The following NALCN variants were observed in gnomAD, a reference collection of about 807,000 sequenced individuals.
The protein encoded by NALCN is sodium leak channel NALCN.
A neutral mutation model predicts 225.3 loss-of-function variants in NALCN; 111 were observed. The observed-to-expected ratio is 0.49, with a 90% CI of 0.42 to 0.58. The LOEUF is 0.58. Among genes scored for constraint, NALCN ranks in the 20% least tolerant of loss-of-function variants. The pLI is 0.00. For missense variants in NALCN, 1,378 were observed against 2,202.4 expected, an observed-to-expected ratio of 0.63 and a Z score of 7.49; for synonymous variants, 764 against 769.0, an observed-to-expected ratio of 0.99 and a Z score of 0.11.
In NALCN at chr13:101,316,296, C is replaced by T. The variant is rs565796770; in HGVS notation, c.800-23930G>A. On this transcript the variant is annotated intron_variant, in intron 7 of 43. Coordinates refer to ENST00000251127, the MANE Select transcript of NALCN (RefSeq NM_052867.4). ...AATTATGTACTAATCCCTCTCAGTT[C>T]GATCAGCCCTCAATCTAACTGAAGG... 3.3e-3 allele frequency among the ~76,000 whole-genome samples: 508 copies of T among 152,222 alleles called. 1 individual carries two copies. The highest frequency in any genetic ancestry group is 5.4e-3 in the Non-Finnish European group (367 of 68,004).
At chr13:101,096,513 A>G (rs1282465509) in intron 27 of NALCN, among the ~76,000 whole-genome samples, 1 of 152,242 alleles carries the variant, frequency 6.6e-6, no homozygotes, top group African/African-American at 2.4e-5. Context: ...AGTCCAGAAC[A>G]GTGAACTCTA....
chr13:101,189,250 G>A (rs1356549393), intron 14 of NALCN, among the ~76,000 whole-genome samples: 1 of 152,014 alleles, frequency 6.6e-6, no homozygotes, highest in African/African-American at 2.4e-5. Flanking sequence ...TCATTGCCTG[G>A]GAGAAGAGGT....
intron 43 of NALCN, chr13:101,057,378 T>A (rs1292097145): frequency 1.3e-5 from 2 of 155,030 alleles, no homozygotes; most frequent in African/African-American, 4.8e-5. Flanking sequence ...AAGGATTGAA[T>A]GAGAGAACAC....
chr13:101,175,438 G>C (rs574864714), intron 15 of NALCN, among the ~76,000 whole-genome samples: 14 of 152,124 alleles, frequency 9.2e-5, no homozygotes, highest in African/African-American at 3.4e-4. Flanking sequence ...AATATGGAGG[G>C]CCTGCTTATA....
chr13:101,355,709 T>A (rs1290587245), intron 6 of NALCN, among the ~76,000 whole-genome samples: 2 of 152,162 alleles, frequency 1.3e-5, no homozygotes, highest in Non-Finnish European at 2.9e-5. Flanking sequence ...CTAATGGACA[T>A]CTATAGAACT....
rs578027440 is a variant in NALCN, at chr13:101,283,129, G to A, written c.1134+804C>T. 1.2e-4 allele frequency among the ~76,000 whole-genome samples: 19 copies of A among 152,218 alleles called. 1 individual carries two copies. Among genetic ancestry groups the A allele is most frequent in the Admixed American group, 9.8e-4 (15 of 15,296 alleles). ...CTCCAGGTGGAAGAATCAATTCTCCGGTCCTACGAGTGGGCTGCTTGGAGG... is the reference window on the plus strand; with the variant it reads ...CTCCAGGTGGAAGAATCAATTCTCCAGTCCTACGAGTGGGCTGCTTGGAGG... On this transcript the variant is annotated intron_variant, in intron 10 of 43. Transcript: ENST00000251127.
intron 22 of NALCN, among the ~76,000 whole-genome samples, chr13:101,106,252 A>AT (rs1452569816): frequency 6.6e-6 from 1 of 152,154 alleles, no homozygotes; most frequent in African/African-American, 2.4e-5. Context: ...TCTCATTTTA[A>AT]TTAACCTGTT....
intron 15 of NALCN, among the ~76,000 whole-genome samples, chr13:101,171,426 T>C (rs1465847636): frequency 4.6e-5 from 7 of 151,200 alleles, no homozygotes; most frequent in South Asian, 2.1e-4. Flanking sequence ...ATAATAGATA[T>C]ACACACACAC....
At chr13:101,183,313 C>T (rs1035428809) in intron 14 of NALCN, among the ~76,000 whole-genome samples, 1 of 152,208 alleles carries the variant, frequency 6.6e-6, no homozygotes, top group African/African-American at 2.4e-5. Flanking sequence ...AGGAATTTTA[C>T]AGGGACTTGC....
At chr13:101,193,227 A>AGTAC (rs540708453) in intron 13 of NALCN, among the ~76,000 whole-genome samples, 1 of 152,102 alleles carries the variant, frequency 6.6e-6, no homozygotes, top group Non-Finnish European at 1.5e-5. Flanking sequence ...CTCCAAAGTA[A>AGTAC]GTACTTTTCC....
At chr13:101,269,022 C>A (rs2042686736) in intron 10 of NALCN, among the ~76,000 whole-genome samples, 1 of 151,976 alleles carries the variant, frequency 6.6e-6, no homozygotes, top group Admixed American at 6.6e-5. Flanking sequence ...AACTCAATAC[C>A]CCTGCATGAC....
chr13:101,306,151 T>C (rs2044147111), intron 7 of NALCN, among the ~76,000 whole-genome samples: 2 of 152,130 alleles, frequency 1.3e-5, no homozygotes, highest in South Asian at 4.2e-4. Flanking sequence ...GGCCAGTTGG[T>C]GACCCACACC....
At chr13:101,222,465 C>A (rs1184436541) in intron 13 of NALCN, among the ~76,000 whole-genome samples, 1 of 152,118 alleles carries the variant, frequency 6.6e-6, no homozygotes, top group Non-Finnish European at 1.5e-5. Flanking sequence ...ATTGAAAGTT[C>A]TCCTACCATG....
At chr13:101,149,236 T>C (rs548334110) in intron 15 of NALCN, among the ~76,000 whole-genome samples, 41 of 149,996 alleles carry the variant, frequency 2.7e-4, no homozygotes, top group African/African-American at 1.0e-3. Flanking sequence ...GAGCTTACAG[T>C]GAGCCAAGAT....
intron 6 of NALCN, among the ~76,000 whole-genome samples, chr13:101,357,846 C>T (rs2046108564): frequency 6.6e-6 from 1 of 152,082 alleles, no homozygotes; most frequent in African/African-American, 2.4e-5. Flanking sequence ...CCATATAGAC[C>T]AATGGAACAG....
chr13:101,317,289 T>C (rs1184660127), intron 7 of NALCN, among the ~76,000 whole-genome samples: 1 of 152,218 alleles, frequency 6.6e-6, no homozygotes, highest in Non-Finnish European at 1.5e-5. Flanking sequence ...GGTGAGGACA[T>C]AGAGATAATT....
chr13:101,243,510 T>C (rs767002707), intron 11 of NALCN, among the ~76,000 whole-genome samples: 1 of 105,074 alleles, frequency 9.5e-6, no homozygotes, highest in African/African-American at 3.4e-5. Flanking sequence ...TCTCCCTTTG[T>C]GTGTGAGTTA....
chr13:101,075,988 C>A (rs753086298), intron 34 of NALCN, 47 bp from the exon 35 acceptor site: 69 of 1,532,342 alleles, frequency 4.5e-5, no homozygotes, highest in Non-Finnish European at 5.9e-5. Context: ...CACAAAAGAT[C>A]TTGTTACAGT....
chr13:101,108,026 T>C (rs1170208503), intron 20 of NALCN, among the ~76,000 whole-genome samples: 1 of 148,550 alleles, frequency 6.7e-6, no homozygotes, highest in Admixed American at 6.8e-5. Context: ...TAAATGTATA[T>C]ATTTACATTA....
Sources: allele counts gnomAD v4.1 joint callset (sites outside exome capture counted in the v4.1 genomes callset), GRCh38; gene constraint gnomAD v4.1.1; transcripts MANE v1.5; gene names NCBI Gene and HGNC (gene_info 2026-07-23, HGNC 2026-07-21).